The following FLT3 variants were observed in gnomAD, a reference collection of about 807,000 sequenced individuals.
FLT3 encodes receptor-type tyrosine-protein kinase FLT3.
Under a neutral mutation model 126.6 loss-of-function variants are expected in FLT3, and 46 were observed. The observed-to-expected ratio is 0.36, with a 90% CI of 0.29 to 0.46. The LOEUF is 0.46. FLT3 is among the 20% of genes least tolerant of loss of function. FLT3 has a pLI of 1.00. For synonymous variants in FLT3, 404 were observed against 434.4 expected (o/e 0.93, Z 0.87); for missense variants, 1,069 against 1,190.3 (o/e 0.90, Z 1.50).
At chr13:28,059,659 T>G (rs4771209) in intron 3 of FLT3, among the ~76,000 whole-genome samples, 1 of 151,942 alleles carries the variant, frequency 6.6e-6, no homozygotes, top group Admixed American at 6.6e-5. Context: ...TTTAAAAAAA[T>G]TTTTTTTTAA....
intron 1 of FLT3, among the ~76,000 whole-genome samples, chr13:28,071,340 T>C (rs868358395): frequency 6.6e-6 from 1 of 151,968 alleles, no homozygotes; most frequent in Non-Finnish European, 1.5e-5. Context: ...TATGGGTGCT[T>C]ATAGAATCTT....
At chr13:28,065,489 A>ACCC (rs1876933449) in intron 2 of FLT3, among the ~76,000 whole-genome samples, 2 of 152,002 alleles carry the variant, frequency 1.3e-5, no homozygotes, top group Non-Finnish European at 2.9e-5. Context: ...AAAAAATTAA[A>ACCC]AAATTAGCCA....
chr13:28,072,219 C>G (rs978707975), intron 1 of FLT3, among the ~76,000 whole-genome samples: 1 of 150,912 alleles, frequency 6.6e-6, no homozygotes, highest in Non-Finnish European at 1.5e-5. Flanking sequence ...ATATGGGCTT[C>G]TCTTTATGTA....
chr13:28,015,113 T>A (rs1032753793), intron 22 of FLT3, 44 bp downstream of exon 22: 11 of 1,221,258 alleles, frequency 9.0e-6, no homozygotes, highest in Non-Finnish European at 1.2e-5. Context: ...AGACAGACTG[T>A]ACCTTTCTGA....
chr13:28,070,607 AAAC>A lies in FLT3; in HGVS notation c.46_48del (p.Val16del). On this transcript the variant is annotated inframe_deletion and splice_region_variant, in exon 2 of 24. Transcript: ENST00000241453. Reference sequence around the variant, plus strand: ...ATAGTCCCAAATATCATTGCAGAAAAAACAACTGTAAAACAAAATAAAAATGAT... The same window carrying A: ...ATAGTCCCAAATATCATTGCAGAAAAAACTGTAAAACAAAATAAAAATGAT... 1.3e-6 allele frequency: 2 copies of A among 1,596,994 alleles called. No individual in the cohort carries two copies. Among genetic ancestry groups the A allele is most frequent in the Non-Finnish European group, 8.6e-7 (1 of 1,167,158 alleles).
chr13:28,004,252 T>A, intron 23 of FLT3, 78 bp from the exon 24 acceptor site: 3 of 1,434,542 alleles, frequency 2.1e-6, no homozygotes, highest in Non-Finnish European at 2.9e-6. Flanking sequence ...TTACAAATTA[T>A]TTAAATAAAA....
chr13:28,042,022 C>T (rs2137702519), intron 9 of FLT3, among the ~76,000 whole-genome samples: 1 of 151,926 alleles, frequency 6.6e-6, no homozygotes, highest in East Asian at 1.9e-4. Flanking sequence ...GGCACGGTGG[C>T]ACACGCCTGT....
At chr13:28,022,808 T>C (rs775052848) in intron 19 of FLT3, among the ~76,000 whole-genome samples, 1 of 151,794 alleles carries the variant, frequency 6.6e-6, no homozygotes, top group Admixed American at 6.6e-5. Flanking sequence ...GAGTGCAAAA[T>C]TGGGGTAGAG....
intron 1 of FLT3, among the ~76,000 whole-genome samples, chr13:28,076,570 G>A (rs1877942321): frequency 6.6e-6 from 1 of 152,098 alleles, no homozygotes; most frequent in East Asian, 1.9e-4. Context: ...GAGTCCAAGA[G>A]CCAAAGAACC....
At chr13:28,093,499 T>G (rs1879258100) in intron 1 of FLT3, among the ~76,000 whole-genome samples, 1 of 152,204 alleles carries the variant, frequency 6.6e-6, no homozygotes, top group South Asian at 2.1e-4. Context: ...TCAAATAATT[T>G]GCTGAATTAC....
At chr13:28,009,040 A>T (rs1469460891) in intron 23 of FLT3, among the ~76,000 whole-genome samples, 2 of 152,058 alleles carry the variant, frequency 1.3e-5, no homozygotes, top group Non-Finnish European at 2.9e-5. Context: ...GCAGCAGCCC[A>T]GTTATAGCTC....
chr13:28,064,300 G>A (rs943260928), intron 2 of FLT3, among the ~76,000 whole-genome samples: 1 of 151,480 alleles, frequency 6.6e-6, no homozygotes, highest in East Asian at 1.9e-4. Flanking sequence ...CTCAGCCAGG[G>A]GCGATGGCTC....
rs1872083010 is a variant in FLT3 at position 28,018,468 on chromosome 13, T to C, written c.2540A>G (p.Asn847Ser). Reference protein sequence around the residue: ...MSDSNYVVRGNARLPVKWMAP... With the variant: ...MSDSNYVVRGSARLPVKWMAP... ...ATAAGTAGGAAATAGCAGCCTCACA[T>C]TGCCCCTGACAACATAGTTGGAATC... The change falls in exon 20 of 24, where the codon AAT becomes AGT. Residue 847 changes from asparagine (N) to serine (S), a missense_variant and splice_region_variant. Coordinates refer to ENST00000241453, the MANE Select transcript of FLT3 (RefSeq NM_004119.3). 1.9e-6 allele frequency: 3 copies of C among 1,613,882 alleles called. No homozygotes were observed. In the Admixed American group the frequency reaches 5.0e-5, roughly 27 times the overall value.
At chr13:28,070,663 G>A (rs1877426468) in intron 1 of FLT3, 51 bp from the exon 2 acceptor site, 1 of 1,410,614 alleles carries the variant, frequency 7.1e-7, no homozygotes, top group Non-Finnish European at 9.8e-7. Context: ...ACCTTAAAAA[G>A]AAAACATGCA....
intron 1 of FLT3, among the ~76,000 whole-genome samples, chr13:28,091,349 G>A (rs1879064412): frequency 6.8e-6 from 1 of 146,092 alleles, no homozygotes; most frequent in South Asian, 2.2e-4. Flanking sequence ...AGCCTCCCGA[G>A]TAGCTGGGAC....
At position 28,026,293 on chromosome 13, in the gene FLT3, T is replaced by C. The variant is rs544247611; in HGVS notation, c.2207+795A>G. ...TGAACCTGGGATGTGGAGGTTGCAG[T>C]GAGCCGAGATCACACCATTGCACCA... On this transcript the variant is annotated intron_variant, in intron 17 of 23. Coordinates refer to ENST00000241453, the MANE Select transcript of FLT3 (RefSeq NM_004119.3). 1.7e-3 allele frequency among the ~76,000 whole-genome samples: 225 copies of C among 133,034 alleles called. 1 individual carries two copies. Among genetic ancestry groups the C allele is most frequent in the Non-Finnish European group, 1.5e-3 (97 of 64,708 alleles). The allele number at this position is 133,034 out of a possible 152,430, so 87.3% of individuals were successfully genotyped here. A position where few individuals can be genotyped will look rare whatever the true frequency, so the allele number is the denominator to read the frequency against.
At chr13:28,069,643 T>G (rs933179113) in intron 2 of FLT3, among the ~76,000 whole-genome samples, 3 of 152,110 alleles carry the variant, frequency 2.0e-5, no homozygotes, top group Non-Finnish European at 2.9e-5. Context: ...AACCACAGAT[T>G]GAAAATATTC....
chr13:28,070,991 CTT>C lies in FLT3; in HGVS notation c.44-381_44-380del, dbSNP rs11408684. Reference sequence around the variant, plus strand: ...CTTTTTATTGTATATAGATTTCTACCTTTTTTTTTTTTTTTTTTTTTGAGATG... The same window carrying C: ...CTTTTTATTGTATATAGATTTCTACCTTTTTTTTTTTTTTTTTTTGAGATG... On this transcript the variant is annotated intron_variant, in intron 1 of 23. Coordinates refer to ENST00000241453, the MANE Select transcript of FLT3 (RefSeq NM_004119.3). 3.4e-3 allele frequency among the ~76,000 whole-genome samples: 309 copies of C among 90,886 alleles called. 1 individual carries two copies. Among genetic ancestry groups the C allele is most frequent in the African/African-American group, 0.013 (297 of 22,668 alleles). The allele number at this position is 90,886 out of a possible 152,430, so 59.6% of individuals were successfully genotyped here. A position where few individuals can be genotyped will look rare whatever the true frequency, so the allele number is the denominator to read the frequency against.
At chr13:28,025,328 A>C (rs1872709670) in intron 17 of FLT3, 1 of 432,998 alleles carries the variant, frequency 2.3e-6, no homozygotes, top group Non-Finnish European at 4.5e-6. Context: ...ACTTTCCCTC[A>C]CATAATACAG....
Sources: gnomAD v4.1 joint callset for allele counts (sites outside exome capture counted in the v4.1 genomes callset) on GRCh38, gnomAD v4.1.1 for gene constraint, MANE v1.5 for transcripts, NCBI Gene and HGNC (gene_info 2026-07-23, HGNC 2026-07-21) for gene names.